Variants in PTPN5 observed in about 807,000 individuals in gnomAD.
PTPN5 encodes the protein protein tyrosine phosphatase non-receptor type 5.
A neutral mutation model predicts 73.9 loss-of-function variants in PTPN5; 29 were observed. The ratio of observed to expected loss-of-function variants is 0.39; its 90% CI spans 0.29 to 0.54. PTPN5 has a LOEUF of 0.54. Among genes scored for constraint, PTPN5 ranks in the 20% least tolerant of loss-of-function variants. The pLI, the probability that PTPN5 is intolerant of heterozygous loss-of-function variation, is 0.65. For synonymous variants in PTPN5, 267 were observed against 304.7 expected (o/e 0.88, Z 1.29); for missense variants, 652 against 751.4 (o/e 0.87, Z 1.55).
chr11:18,754,713 G>T (rs1238210183), intron 3 of PTPN5, among the ~76,000 whole-genome samples: 1 of 152,140 alleles, frequency 6.6e-6, no homozygotes, highest in Non-Finnish European at 1.5e-5. Flanking sequence ...TACAATAAAA[G>T]CATAAAGCAA....
At chr11:18,750,324 G>A (rs976037886) in intron 3 of PTPN5, among the ~76,000 whole-genome samples, 4 of 152,112 alleles carry the variant, frequency 2.6e-5, no homozygotes, top group Non-Finnish European at 5.9e-5. Context: ...TAAATGGGTA[G>A]AAGCTAAGAC....
intron 1 of PTPN5, among the ~76,000 whole-genome samples, chr11:18,779,005 G>A (rs1405375781): frequency 6.6e-6 from 1 of 152,076 alleles, no homozygotes. Flanking sequence ...GATCCCTTCT[G>A]GCATCTGCTC....
chr11:18,766,679 G>A (rs1339738600), intron 2 of PTPN5, among the ~76,000 whole-genome samples: 1 of 152,128 alleles, frequency 6.6e-6, no homozygotes, highest in Non-Finnish European at 1.5e-5. Context: ...ACCCCATGAA[G>A]CATCTTGAGA....
chr11:18,764,947 C>A (rs1318624799), intron 3 of PTPN5, among the ~76,000 whole-genome samples: 1 of 152,214 alleles, frequency 6.6e-6, no homozygotes. Flanking sequence ...CTCCTGACCT[C>A]GTGATCTGCC....
intron 2 of PTPN5, among the ~76,000 whole-genome samples, chr11:18,766,804 T>C (rs1287477427): frequency 6.6e-6 from 1 of 152,206 alleles, no homozygotes; most frequent in African/African-American, 2.4e-5. Context: ...TCTCTGACCC[T>C]TGGCAGTAGC....
At chr11:18,785,525 G>C (rs1477462297) in intron 1 of PTPN5, among the ~76,000 whole-genome samples, 1 of 152,166 alleles carries the variant, frequency 6.6e-6, no homozygotes, top group Non-Finnish European at 1.5e-5. Context: ...CTCTAGCATG[G>C]AGTATGGTTA....
intron 1 of PTPN5, among the ~76,000 whole-genome samples, chr11:18,773,606 T>A (rs1851012983): frequency 6.6e-6 from 1 of 151,990 alleles, no homozygotes; most frequent in Non-Finnish European, 1.5e-5. Flanking sequence ...TGGGTCAGAG[T>A]CATTCCAGTG....
chr11:18,769,601 C>T (rs547945212), intron 2 of PTPN5, among the ~76,000 whole-genome samples: 1 of 152,236 alleles, frequency 6.6e-6, no homozygotes, highest in African/African-American at 2.4e-5. Context: ...CGAGGTTTCA[C>T]CGTATTAGTC....
chr11:18,730,020 A>T (rs773289594), intron 12 of PTPN5: 7 of 644,762 alleles, frequency 1.1e-5, no homozygotes, highest in Non-Finnish European at 1.9e-5. Flanking sequence ...GGGGTTGGTC[A>T]GCAGCGTTGG....
At chr11:18,765,206 T>G (rs1850588691) in intron 3 of PTPN5, among the ~76,000 whole-genome samples, 1 of 152,026 alleles carries the variant, frequency 6.6e-6, no homozygotes. Flanking sequence ...CCACCCCTTC[T>G]TTTTCTTCCT....
At position 18,733,277 on chromosome 11, in the gene PTPN5, C is replaced by T. The variant is rs116891792; in HGVS notation, c.1176G>A (p.Thr392=). 2.2e-5 allele frequency: 36 copies of T among 1,614,000 alleles called. No individual in the cohort carries two copies. The highest frequency in any genetic ancestry group is 1.3e-4 in the African/African-American group (10 of 75,046). The change falls in exon 11 of 15, where the codon ACG becomes ACA. Residue 392 remains threonine, a synonymous_variant. Coordinates refer to ENST00000358540, the MANE Select transcript of PTPN5 (RefSeq NM_006906.2). The surrounding 1 kb of genome is among the most constrained non-coding windows in gnomAD (Gnocchi z 4.3). The part of the protein sequence containing the change: ...DFWRMVWQEH[T]PIIVMITNIE... ...TGTTGGTGATCATGACAATGATGGG[C>T]GTGTGCTCCTGCCACACCATGCGCC...
At position 18,746,727 on chromosome 11, in the gene PTPN5, T is replaced by C. The variant is rs200004554; in HGVS notation, c.98-2528A>G. Reference sequence around the variant, plus strand: ...GAGGGTCACGAGAGGGTATCTACCTTTGTCCATGGAGGTTATAGTTCCTGA... The same window carrying C: ...GAGGGTCACGAGAGGGTATCTACCTCTGTCCATGGAGGTTATAGTTCCTGA... On this transcript the variant is annotated intron_variant, in intron 3 of 14. Coordinates refer to ENST00000358540, the MANE Select transcript of PTPN5 (RefSeq NM_006906.2). Among the ~76,000 whole-genome samples, 5 of 152,276 alleles carry C rather than the reference T, an allele frequency of 3.3e-5. No individual in the cohort carries two copies. In the East Asian group the frequency reaches 9.6e-4, roughly 29 times the overall value.
intron 1 of PTPN5, among the ~76,000 whole-genome samples, chr11:18,784,905 G>A (rs1851599998): frequency 6.6e-6 from 1 of 151,962 alleles, no homozygotes; most frequent in African/African-American, 2.4e-5. Context: ...CCAGGCTGGA[G>A]TGCAGCGGCG....
At chr11:18,738,048 A>G (rs747492112) in intron 8 of PTPN5, 84 bp from the exon 9 acceptor site, 5 of 1,124,354 alleles carry the variant, frequency 4.4e-6, no homozygotes, top group Non-Finnish European at 6.8e-6. Context: ...CCCAACTCCT[A>G]GCCCAGGGGC....
Position 18,737,787 on chromosome 11 carries a change from C to A in PTPN5, c.1000+93G>T, listed in dbSNP as rs1590496283. The A allele has an allele frequency of 1.9e-5, 21 of 1,126,046 alleles. No homozygotes were observed. In the East Asian group the frequency reaches 4.7e-4, roughly 25 times the overall value. 69.8% of individuals were successfully genotyped at this position (1,126,046 alleles called of 1,614,324 possible). On this transcript the variant is annotated intron_variant, in intron 9 of 14. Transcript: ENST00000358540. ...TCCCACCTCCTCCAGTCCTGTCACCCCTAGAGGCCCAGCTGAGGGTCCTCC... is the reference window on the plus strand; with the variant it reads ...TCCCACCTCCTCCAGTCCTGTCACCACTAGAGGCCCAGCTGAGGGTCCTCC...
intron 1 of PTPN5, among the ~76,000 whole-genome samples, chr11:18,781,851 A>G (rs1851446482): frequency 6.6e-6 from 1 of 152,154 alleles, no homozygotes; most frequent in African/African-American, 2.4e-5. Context: ...TTATGGGAGC[A>G]CTCAGGAGGG....
In PTPN5 at chr11:18,744,029, G is replaced by A. The variant is rs1424796842; in HGVS notation, c.268C>T (p.Leu90=). The change falls in exon 4 of 15, where the codon CTG becomes TTG. Residue 90 remains leucine, a synonymous_variant. Coordinates refer to ENST00000358540, the MANE Select transcript of PTPN5 (RefSeq NM_006906.2). The part of the protein sequence containing the change: ...HSLTVRSSLC[L]FAASQFLLAC... ...ACCAGGAACTGTGAGGCAGCGAACA[G>A]GCACAGGCTGCTCCTGACAGTGAGG... 13 of 1,607,684 alleles carry A rather than the reference G, an allele frequency of 8.1e-6. No individual in the cohort carries two copies. The highest frequency in any genetic ancestry group is 1.1e-5 in the Non-Finnish European group (13 of 1,177,182).
In PTPN5 at chr11:18,742,998, G is replaced by A; in HGVS notation, c.477C>T (p.Thr159=). ...VFLSVGLVLV[T]TLVWHLLRTP... ...GGGTCAGGAGGCGCCTTACCAGGGT[G>A]GTAACGAGGACCAGGCCCACGGACA... The change falls in exon 6 of 15, where the codon ACC becomes ACT. Residue 159 remains threonine, a synonymous_variant. Coordinates refer to ENST00000358540, the MANE Select transcript of PTPN5 (RefSeq NM_006906.2). The surrounding 1 kb of genome is among the most constrained non-coding windows in gnomAD (Gnocchi z 4.1). 2 of 1,550,014 alleles carry A rather than the reference G, an allele frequency of 1.3e-6. No individual in the cohort carries two copies. Among genetic ancestry groups the A allele is most frequent in the East Asian group, 4.9e-5 (2 of 40,922 alleles).
At position 18,737,966 on chromosome 11, in the gene PTPN5, T is replaced by C; in HGVS notation, c.916-2A>G. ...ATCCACAAAGTTCATGGGGATTTCCTGTGGAAGGAGGACACGGGGTGTGAG... is the reference window on the plus strand; with the variant it reads ...ATCCACAAAGTTCATGGGGATTTCCCGTGGAAGGAGGACACGGGGTGTGAG... On this transcript the variant is annotated splice_acceptor_variant, in intron 8 of 14. Transcript: ENST00000358540. LOFTEE classifies it high-confidence loss of function. 6.2e-7 allele frequency: 1 copy of C among 1,613,878 alleles called. No individual in the cohort carries two copies. The highest frequency in any genetic ancestry group is 8.5e-7 in the Non-Finnish European group (1 of 1,179,734).
Sources: allele counts gnomAD v4.1 joint callset (sites outside exome capture counted in the v4.1 genomes callset), GRCh38; gene constraint gnomAD v4.1.1; non-coding constraint Gnocchi (gnomAD v3.1); transcripts MANE v1.5; gene names NCBI Gene and HGNC (gene_info 2026-07-23, HGNC 2026-07-21).